The following BCL2 variants were observed in gnomAD, a reference collection of about 807,000 sequenced individuals.
BCL2 encodes the protein apoptosis regulator Bcl-2.
In BCL2, 1 loss-of-function variant was observed where a neutral mutation model predicts 14.2. That is an observed-to-expected ratio of 0.07 (90% CI 0.02 to 0.33). The LOEUF is 0.33. Ranked by LOEUF, BCL2 falls within the 10% of genes least tolerant of loss-of-function variation. The pLI is 0.99. For synonymous variants in BCL2, 151 were observed against 137.2 expected (o/e 1.10, Z -0.70); for missense variants, 247 against 305.9 (o/e 0.81, Z 1.44).
At chr18:63,222,314 G>T (rs935125577) in intron 2 of BCL2, among the ~76,000 whole-genome samples, 1 of 142,742 alleles carries the variant, frequency 7.0e-6, no homozygotes, top group African/African-American at 2.6e-5. Context: ...AAGAAAGAAA[G>T]AAAAAAGAAA....
intron 2 of BCL2, among the ~76,000 whole-genome samples, chr18:63,286,548 T>C (rs1446249403): frequency 6.6e-6 from 1 of 152,018 alleles, no homozygotes; most frequent in East Asian, 1.9e-4. Context: ...AGAACTTTAA[T>C]GGGAGGTAGA....
chr18:63,212,958 A>G (rs577193325), intron 2 of BCL2, among the ~76,000 whole-genome samples: 47 of 152,342 alleles, frequency 3.1e-4, no homozygotes, highest in South Asian at 1.0e-3. Context: ...GTGAGAGAGG[A>G]AAAACATAAA....
chr18:63,169,355 T>TTCTTTCTTTCTTTCTTTCTTTC (rs1915153701), intron 2 of BCL2, among the ~76,000 whole-genome samples: 1 of 63,092 alleles, frequency 1.6e-5, no homozygotes, highest in African/African-American at 8.1e-5. Context: ...CTTTCTTTCT[T>TTCTTTCTTTCTTTCTTTCTTTC]TCTTTCTTTC....
rs564942140 is a variant in BCL2, at chr18:63,130,107, T to A, written c.586-1348A>T. ...AGCAAATCACCAATTGCTCATTTCCTAGATTTTGGGGAGATTATGTTTCAC... is the reference window on the plus strand; with the variant it reads ...AGCAAATCACCAATTGCTCATTTCCAAGATTTTGGGGAGATTATGTTTCAC... On this transcript the variant is annotated intron_variant, in intron 2 of 2. Transcript: ENST00000333681. 5.3e-5 allele frequency among the ~76,000 whole-genome samples: 8 copies of A among 152,374 alleles called. No homozygotes were observed. In the East Asian group the frequency reaches 1.2e-3, roughly 22 times the overall value.
chr18:63,207,610 T>G (rs67443441), intron 2 of BCL2: 2,948 of 148,210 alleles, frequency 0.02, 30 homozygotes, highest in South Asian at 0.043. Context: ...GCACCAGAGG[T>G]CTGGGTGGGG....
At chr18:63,130,137 G>C (rs1475988249) in intron 2 of BCL2, among the ~76,000 whole-genome samples, 1 of 152,080 alleles carries the variant, frequency 6.6e-6, no homozygotes, top group Non-Finnish European at 1.5e-5. Flanking sequence ...TTTCACATTT[G>C]GGTCCAATGA....
chr18:63,250,441 C>T (rs1911277563), intron 2 of BCL2, among the ~76,000 whole-genome samples: 1 of 152,222 alleles, frequency 6.6e-6, no homozygotes, highest in African/African-American at 2.4e-5. Context: ...CCTGTCAAGT[C>T]ATTTTTGATG....
intron 2 of BCL2, among the ~76,000 whole-genome samples, chr18:63,251,289 T>C (rs1324770267): frequency 6.6e-6 from 1 of 151,974 alleles, no homozygotes; most frequent in Non-Finnish European, 1.5e-5. Context: ...AGAAATTATA[T>C]TGGAACAGTC....
At chr18:63,223,774 A>G (rs998990573) in intron 2 of BCL2, among the ~76,000 whole-genome samples, 3 of 152,228 alleles carry the variant, frequency 2.0e-5, no homozygotes, top group African/African-American at 7.2e-5. Flanking sequence ...CTATGACAGA[A>G]ACATTTTATT....
In BCL2 at chr18:63,192,970, A is replaced by G. The variant is rs1452813384; in HGVS notation, c.586-64211T>C. ...TCAATTCTACAGCCATACTTGTTTC[A>G]TGTATGAAGAGAAAAACTCCCAAAT... On this transcript the variant is annotated intron_variant, in intron 2 of 2. Transcript: ENST00000333681. Among the ~76,000 whole-genome samples the G allele has an allele frequency of 3.3e-5, 5 of 152,346 alleles. No individual in the cohort carries two copies. The South Asian group carries it at 1.0e-3, about 32-fold the overall frequency.
At chr18:63,235,796 A>G (rs1910812760) in intron 2 of BCL2, among the ~76,000 whole-genome samples, 1 of 151,816 alleles carries the variant, frequency 6.6e-6, no homozygotes, top group African/African-American at 2.4e-5. Flanking sequence ...TTCACAATAA[A>G]AAAATACTGT....
intron 2 of BCL2, among the ~76,000 whole-genome samples, chr18:63,203,401 G>A (rs1048335235): frequency 1.3e-5 from 2 of 152,160 alleles, no homozygotes; most frequent in Non-Finnish European, 2.9e-5. Flanking sequence ...CACCTATTCA[G>A]AAATTAGAAA....
At chr18:63,310,353 C>G (rs551390047) in intron 2 of BCL2, among the ~76,000 whole-genome samples, 1 of 152,212 alleles carries the variant, frequency 6.6e-6, no homozygotes, top group African/African-American at 2.4e-5. Flanking sequence ...ACACACCTCC[C>G]GCATTCATGC....
chr18:63,160,740 T>C (rs879308728), intron 2 of BCL2, among the ~76,000 whole-genome samples: 18 of 151,954 alleles, frequency 1.2e-4, no homozygotes, highest in Non-Finnish European at 2.2e-4. Flanking sequence ...GGCACTCTGT[T>C]GTTCTAGTGA....
At chr18:63,181,170 T>A (rs2144641790) in intron 2 of BCL2, among the ~76,000 whole-genome samples, 1 of 152,320 alleles carries the variant, frequency 6.6e-6, no homozygotes, top group Non-Finnish European at 1.5e-5. Context: ...GGCTGCAGGT[T>A]ACTAATTTGG....
At chr18:63,223,324 C>T (rs908440131) in intron 2 of BCL2, among the ~76,000 whole-genome samples, 9 of 151,064 alleles carry the variant, frequency 6.0e-5, no homozygotes, top group South Asian at 2.1e-4. Flanking sequence ...GGTGTGAACC[C>T]GGGAGGCGGA....
At chr18:63,236,444 C>A (rs1008084105) in intron 2 of BCL2, among the ~76,000 whole-genome samples, 2 of 120,780 alleles carry the variant, frequency 1.7e-5, no homozygotes, top group East Asian at 2.3e-4. Flanking sequence ...ATAATGTCAA[C>A]GCCCTACCCT....
intron 2 of BCL2, among the ~76,000 whole-genome samples, chr18:63,168,827 G>C (rs1189839720): frequency 6.6e-6 from 1 of 152,204 alleles, no homozygotes; most frequent in East Asian, 1.9e-4. Flanking sequence ...AAGAGAAAAG[G>C]TGACCTGAGG....
rs960322399 is a variant in BCL2 at position 63,319,743 on chromosome 18, C to A, written c.-856G>T. 5.0e-5 allele frequency: 10 copies of A among 202,016 alleles called. No individual in the cohort carries two copies. Among genetic ancestry groups the A allele is most frequent in the African/African-American group, 1.8e-4 (8 of 43,510 alleles). 12.5% of individuals were successfully genotyped at this position (202,016 alleles called of 1,614,324 possible). On this transcript the variant is annotated 5_prime_UTR_variant, in exon 1 of 3. Coordinates refer to ENST00000333681, the MANE Select transcript of BCL2 (RefSeq NM_000633.3). The stretch of plus-strand genomic sequence containing the variant: ...CCGCCGGTGCCGAGCGCTAGAAGCC[C>A]GCGCTGTGTGTGGTGCGGCGAGGGG...
Sources: gnomAD v4.1 joint callset for allele counts (sites outside exome capture counted in the v4.1 genomes callset) on GRCh38, gnomAD v4.1.1 for gene constraint, MANE v1.5 for transcripts, NCBI Gene and HGNC (gene_info 2026-07-23, HGNC 2026-07-21) for gene names.